Variants in SPICE1 observed in about 807,000 individuals in gnomAD.
SPICE1 encodes spindle and centriole associated protein 1.
In SPICE1, 75 loss-of-function variants were observed where a neutral mutation model predicts 102.7. The ratio of observed to expected loss-of-function variants is 0.73; its 90% CI spans 0.61 to 0.88. The LOEUF is 0.88. Ranked by LOEUF, SPICE1 falls within the 40% of genes least tolerant of loss-of-function variation. SPICE1 has a pLI of 0.00. For synonymous variants in SPICE1, 308 were observed against 350.3 expected (o/e 0.88, Z 1.35); for missense variants, 979 against 1,020.1 (o/e 0.96, Z 0.55).
intron 1 of SPICE1, among the ~76,000 whole-genome samples, chr3:113,513,094 C>T (rs975673579): frequency 6.6e-6 from 1 of 152,066 alleles, no homozygotes; most frequent in African/African-American, 2.4e-5. Flanking sequence ...AAAATGAGTC[C>T]CAAATCAATG....
chr3:113,480,041 CAAGT>C (rs1354855759), intron 7 of SPICE1, among the ~76,000 whole-genome samples: 3 of 151,954 alleles, frequency 2.0e-5, no homozygotes, highest in South Asian at 2.1e-4. Context: ...TTGAGGAGAA[CAAGT>C]AAGCACTGAA....
chr3:113,473,972 A>G (rs1576632688), intron 7 of SPICE1, among the ~76,000 whole-genome samples: 1 of 152,220 alleles, frequency 6.6e-6, no homozygotes, highest in East Asian at 1.9e-4. Context: ...AAATGCTCCA[A>G]TTAAAAGGCA....
At chr3:113,481,423 T>TTTTA (rs1559968279) in intron 7 of SPICE1, among the ~76,000 whole-genome samples, 1 of 151,762 alleles carries the variant, frequency 6.6e-6, no homozygotes. Flanking sequence ...TAGTTTTTTT[T>TTTTA]TTATTATTAT....
chr3:113,465,556 T>C (rs1936034866), intron 11 of SPICE1, 97 bp downstream of exon 11: 2 of 1,055,260 alleles, frequency 1.9e-6, no homozygotes, highest in Admixed American at 2.4e-5. Flanking sequence ...ATCACATCGA[T>C]ACAGTTAAAC....
intron 9 of SPICE1, among the ~76,000 whole-genome samples, 171 bp downstream of exon 9, chr3:113,468,591 C>T (rs965927752): frequency 6.6e-6 from 1 of 152,150 alleles, no homozygotes; most frequent in Non-Finnish European, 1.5e-5. Flanking sequence ...GCACTAGAAC[C>T]ACTGTTCCAG....
At chr3:113,460,581 T>C (rs1389025812) in intron 12 of SPICE1, 36 bp downstream of exon 12, 11 of 1,574,134 alleles carry the variant, frequency 7.0e-6, no homozygotes, top group East Asian at 2.3e-5. Context: ...CATTAAGTAG[T>C]CTAATGACAG....
At chr3:113,475,943 G>A (rs1225489203) in intron 7 of SPICE1, among the ~76,000 whole-genome samples, 1 of 152,092 alleles carries the variant, frequency 6.6e-6, no homozygotes, top group Non-Finnish European at 1.5e-5. Context: ...AGGGCAATTA[G>A]GCAGGAGAAG....
intron 1 of SPICE1, among the ~76,000 whole-genome samples, chr3:113,506,847 AAGAACTCTAG>A (rs1369543530): frequency 2.6e-5 from 4 of 152,330 alleles, no homozygotes; most frequent in East Asian, 1.9e-4. Flanking sequence ...TTGATTAAAA[AAGAACTCTAG>A]GAATGCAGAA....
At chr3:113,478,270 ACAAGG>A (rs1277374755) in intron 7 of SPICE1, among the ~76,000 whole-genome samples, 6 of 152,164 alleles carry the variant, frequency 3.9e-5, no homozygotes, top group African/African-American at 1.4e-4. Context: ...AAATTGTCTA[ACAAGG>A]CAAGACTGAA....
chr3:113,476,219 A>C (rs1936342424), intron 7 of SPICE1, among the ~76,000 whole-genome samples: 1 of 150,590 alleles, frequency 6.6e-6, no homozygotes, highest in South Asian at 2.1e-4. Context: ...TAGGAATCCA[A>C]CTTACAAGGG....
intron 1 of SPICE1, 21 bp downstream of exon 1, chr3:113,514,876 G>A (rs1371144700): frequency 1.7e-6 from 2 of 1,209,834 alleles, no homozygotes; most frequent in African/African-American, 3.2e-5. Flanking sequence ...AACATACCCA[G>A]ACACGCACCC....
chr3:113,481,721 T>C (rs1034390307), intron 7 of SPICE1, among the ~76,000 whole-genome samples: 13 of 152,226 alleles, frequency 8.5e-5, no homozygotes, highest in Admixed American at 7.9e-4. Flanking sequence ...TCCAGCTTCA[T>C]CCATGTCCCT....
At position 113,448,081 on chromosome 3, in the gene SPICE1, T is replaced by C; in HGVS notation, c.2383A>G (p.Lys795Glu). Reference protein sequence around the residue: ...IPGAEAPESSKCSTVSPVSGI... With the variant: ...IPGAEAPESSECSTVSPVSGI... ...CTGACGGGAGAGACAGTACTACATT[T>C]TGAGCTTTCTGGGGCTTCTGCTCCT... Residue 795 changes from lysine to glutamate, a missense_variant, in exon 16 of 18, where the codon AAA becomes GAA. By Grantham distance (56) the Lys-to-Glu change is moderately conservative. Coordinates refer to ENST00000295872, the MANE Select transcript of SPICE1 (RefSeq NM_144718.4). 6.2e-7 allele frequency: 1 copy of C among 1,612,488 alleles called. No individual in the cohort carries two copies. The highest frequency in any genetic ancestry group is 8.5e-7 in the Non-Finnish European group (1 of 1,179,190).
intron 6 of SPICE1, 79 bp from the exon 7 acceptor site, chr3:113,489,142 C>T: frequency 1.2e-6 from 1 of 866,322 alleles, no homozygotes; most frequent in Non-Finnish European, 1.8e-6. Context: ...TCTGTCATAA[C>T]AGAAGAGAGT....
chr3:113,500,969 G>A (rs1936996625), intron 3 of SPICE1, among the ~76,000 whole-genome samples: 1 of 152,100 alleles, frequency 6.6e-6, no homozygotes, highest in African/African-American at 2.4e-5. Flanking sequence ...ATAGTTCAGA[G>A]GAGATAACTG....
intron 14 of SPICE1, among the ~76,000 whole-genome samples, chr3:113,451,789 C>T (rs867641279): frequency 6.6e-6 from 1 of 152,192 alleles, no homozygotes; most frequent in African/African-American, 2.4e-5. Flanking sequence ...TTTCTGGCTC[C>T]TCTTCTGCCA....
intron 5 of SPICE1, 109 bp from the exon 6 acceptor site, chr3:113,493,421 G>T (rs2107495248): frequency 1.2e-6 from 1 of 819,348 alleles, no homozygotes; most frequent in East Asian, 2.7e-5. Flanking sequence ...TTAAACAGCA[G>T]CTCACATTAA....
chr3:113,465,612 A>G (rs1399124154), intron 11 of SPICE1, 41 bp downstream of exon 11: 1 of 1,577,544 alleles, frequency 6.3e-7, no homozygotes, highest in East Asian at 2.3e-5. Flanking sequence ...AAGATGTTTT[A>G]TACCACTGAA....
At chr3:113,450,731 C>A (rs1193755679) in intron 14 of SPICE1, among the ~76,000 whole-genome samples, 1 of 152,028 alleles carries the variant, frequency 6.6e-6, no homozygotes, top group Non-Finnish European at 1.5e-5. Flanking sequence ...CACCTGCCAC[C>A]ACGCCCAGCT....
Sources: allele counts gnomAD v4.1 joint callset (sites outside exome capture counted in the v4.1 genomes callset), GRCh38; gene constraint gnomAD v4.1.1; transcripts MANE v1.5; gene names NCBI Gene and HGNC (gene_info 2026-07-23, HGNC 2026-07-21).